Variants in WDFY4 observed in about 807,000 individuals in gnomAD.
WDFY4 encodes WDFY family member 4, also known as WD repeat- and FYVE domain-containing protein 4.
In WDFY4, 169 loss-of-function variants were observed where a neutral mutation model predicts 351.9. The ratio of observed to expected loss-of-function variants is 0.48; its 90% CI spans 0.42 to 0.55. The LOEUF (loss-of-function observed/expected upper bound fraction) is 0.55, where lower values mean the gene tolerates loss of function less well. Among genes scored for constraint, WDFY4 ranks in the 20% least tolerant of loss-of-function variants. The pLI is 0.00. For missense variants in WDFY4, 3,803 were observed against 3,935.6 expected (o/e 0.97, Z 0.90); for synonymous variants, 1,622 against 1,574.6 (o/e 1.03, Z -0.71).
chr10:48,897,329 G>C, intron 44 of WDFY4, 125 bp from the exon 45 acceptor site: 1 of 1,351,062 alleles, frequency 7.4e-7, no homozygotes, highest in Non-Finnish European at 1.0e-6. Flanking sequence ...AGTGACCACC[G>C]CACTTCTCTG....
At chr10:48,762,513 G>A (rs1185843852) in intron 13 of WDFY4, among the ~76,000 whole-genome samples, 1 of 152,258 alleles carries the variant, frequency 6.6e-6, no homozygotes, top group Non-Finnish European at 1.5e-5. Flanking sequence ...TCATGGTTCT[G>A]TGGGTCAGGG....
Position 48,729,780 on chromosome 10 carries a change from ACT to A in WDFY4, c.1129+197_1129+198del, listed in dbSNP as rs140483859. 5.1e-3 allele frequency among the ~76,000 whole-genome samples: 774 copies of A among 152,098 alleles called. 6 individuals are homozygous for A. Among genetic ancestry groups the A allele is most frequent in the African/African-American group, 0.018 (733 of 41,470 alleles). On this transcript the variant is annotated intron_variant, in intron 8 of 61. Coordinates refer to ENST00000325239, the MANE Select transcript of WDFY4 (RefSeq NM_001394531.1). ...GAAACATTGCTTAATAAAGGCAAAG[ACT>A]CTCTCAAATAACGGAGGCAGCCTCT... is the stretch of plus-strand genomic sequence containing the variant.
intron 58 of WDFY4, among the ~76,000 whole-genome samples, chr10:48,975,514 C>T (rs1842529408): frequency 6.6e-6 from 1 of 152,254 alleles, no homozygotes. Flanking sequence ...ATATGGGGTT[C>T]CCTGAGGATG....
intron 39 of WDFY4, among the ~76,000 whole-genome samples, chr10:48,864,210 G>A (rs952750292): frequency 2.0e-5 from 3 of 152,220 alleles, no homozygotes; most frequent in South Asian, 4.1e-4. Flanking sequence ...GAGTTTTATA[G>A]TTTTAGCTCT....
chr10:48,721,227 C>T (rs370652400), intron 3 of WDFY4, 34 bp from the exon 4 acceptor site: 24 of 1,544,264 alleles, frequency 1.6e-5, no homozygotes, highest in African/African-American at 6.9e-5. Context: ...GTGGGCAGGT[C>T]GCTGTATGCC....
chr10:48,818,715 G>T (rs527649911), intron 32 of WDFY4, among the ~76,000 whole-genome samples: 11 of 152,262 alleles, frequency 7.2e-5, no homozygotes, highest in African/African-American at 2.6e-4. Flanking sequence ...TTAATAAAAA[G>T]ACTAAATATA....
chr10:48,727,975 T>TG (rs1427174350), intron 7 of WDFY4, among the ~76,000 whole-genome samples: 9 of 152,166 alleles, frequency 5.9e-5, no homozygotes, highest in African/African-American at 2.2e-4. Context: ...CCTGCCTGTG[T>TG]GCTTGGAGGG....
At chr10:48,939,891 A>AT (rs2133749333) in intron 47 of WDFY4, among the ~76,000 whole-genome samples, 1 of 152,324 alleles carries the variant, frequency 6.6e-6, no homozygotes, top group East Asian at 1.9e-4. Context: ...ATTCCACCTG[A>AT]TAGTAACATC....
At chr10:48,719,367 C>G (rs1303187654) in intron 2 of WDFY4, among the ~76,000 whole-genome samples, 1 of 152,166 alleles carries the variant, frequency 6.6e-6, no homozygotes, top group African/African-American at 2.4e-5. Context: ...TGAAGTTTTT[C>G]ATTAAGGATG....
intron 39 of WDFY4, among the ~76,000 whole-genome samples, chr10:48,843,136 T>C (rs1232830586): frequency 6.6e-6 from 1 of 152,204 alleles, no homozygotes; most frequent in South Asian, 2.1e-4. Context: ...GGACAGATAC[T>C]CAGTTCCTTC....
chr10:48,963,622 C>G (rs977552887), intron 53 of WDFY4, among the ~76,000 whole-genome samples: 4 of 152,166 alleles, frequency 2.6e-5, no homozygotes, highest in African/African-American at 9.7e-5. Context: ...GTGGTGAAAA[C>G]AGTCAGATCT....
chr10:48,965,478 G>A (rs1842033948), intron 54 of WDFY4, among the ~76,000 whole-genome samples: 2 of 152,166 alleles, frequency 1.3e-5, no homozygotes, highest in Admixed American at 1.3e-4. Flanking sequence ...TTTGATTTCT[G>A]TTTGCATTGA....
intron 13 of WDFY4, among the ~76,000 whole-genome samples, chr10:48,762,724 G>A (rs1398995053): frequency 1.3e-5 from 2 of 152,200 alleles, no homozygotes. Context: ...CCTCTACATA[G>A]CCCTCTCCAT....
chr10:48,907,716 C>G (rs888844604), intron 47 of WDFY4, among the ~76,000 whole-genome samples: 6 of 152,170 alleles, frequency 3.9e-5, no homozygotes, highest in Non-Finnish European at 5.9e-5. Context: ...TTCAATCCTG[C>G]CCCCTAGAGA....
chr10:48,714,643 CAG>C (rs1416754006), intron 2 of WDFY4, among the ~76,000 whole-genome samples: 1 of 152,130 alleles, frequency 6.6e-6, no homozygotes, highest in Admixed American at 6.5e-5. Context: ...TCATTTTGCA[CAG>C]AGATATCCTG....
rs1416892459 is a variant in WDFY4 at position 48,795,491 on chromosome 10, G to GTGTATA, written c.4258-806_4258-805insGTATAT. ...TGGGATTTCATATATGTGTGTGTCT[G>GTGTATA]TATATATATATATATATATATATAT... On this transcript the variant is annotated intron_variant, in intron 23 of 61. Transcript: ENST00000325239. Among the ~76,000 whole-genome samples the GTGTATA allele has an allele frequency of 1.3e-3, 133 of 101,186 alleles. 3 individuals carry two copies. The highest frequency in any genetic ancestry group is 5.5e-3 in the African/African-American group (121 of 21,998). 66.4% of individuals were successfully genotyped at this position (101,186 alleles called of 152,430 possible).
At chr10:48,975,123 A>G (rs1842510333) in intron 58 of WDFY4, 82 bp downstream of exon 58, 5 of 1,535,984 alleles carry the variant, frequency 3.3e-6, no homozygotes. Flanking sequence ...GCCCAGAGAC[A>G]CAGAGACTCT....
chr10:48,846,744 A>G (rs1001381031), intron 39 of WDFY4, among the ~76,000 whole-genome samples: 6 of 152,194 alleles, frequency 3.9e-5, no homozygotes, highest in African/African-American at 1.4e-4. Context: ...CAAGAACATC[A>G]GGAAGAGTGG....
At chr10:48,835,622 C>A (rs1000336980) in intron 39 of WDFY4, among the ~76,000 whole-genome samples, 1 of 152,314 alleles carries the variant, frequency 6.6e-6, no homozygotes, top group Middle Eastern at 3.4e-3. Flanking sequence ...TGTCTTTGAT[C>A]TGGACACTCA....
Sources: gnomAD v4.1 joint callset for allele counts (sites outside exome capture counted in the v4.1 genomes callset) on GRCh38, gnomAD v4.1.1 for gene constraint, MANE v1.5 for transcripts, NCBI Gene and HGNC (gene_info 2026-07-23, HGNC 2026-07-21) for gene names.